The following CDK6 variants were observed in gnomAD, a reference collection of about 807,000 sequenced individuals.
The protein encoded by CDK6 is cyclin dependent kinase 6.
In CDK6, 6 loss-of-function variants were observed where a neutral mutation model predicts 37.1. That is an observed-to-expected ratio of 0.16 (90% CI 0.09 to 0.32). The LOEUF (loss-of-function observed/expected upper bound fraction) is 0.32. CDK6 is among the 10% of genes least tolerant of loss of function. The pLI, the probability that CDK6 is intolerant of heterozygous loss-of-function variation, is 1.00. For missense variants in CDK6, 224 were observed against 418.9 expected, an observed-to-expected ratio of 0.53 and a Z score of 4.06; for synonymous variants, 160 against 161.3, an observed-to-expected ratio of 0.99 and a Z score of 0.06.
At chr7:92,672,717 A>G (rs1234902484) in intron 4 of CDK6, among the ~76,000 whole-genome samples, 3 of 152,060 alleles carry the variant, frequency 2.0e-5, no homozygotes, top group African/African-American at 7.2e-5. Flanking sequence ...ATTACGTCAG[A>G]ATTTTATATT....
At chr7:92,669,534 G>C (rs1281849089) in intron 5 of CDK6, among the ~76,000 whole-genome samples, 3 of 152,132 alleles carry the variant, frequency 2.0e-5, no homozygotes. Flanking sequence ...ATTCCAATAA[G>C]CATTTCTGTA....
At chr7:92,636,034 TATA>T (rs1796162565) in intron 5 of CDK6, among the ~76,000 whole-genome samples, 1 of 152,178 alleles carries the variant, frequency 6.6e-6, no homozygotes, top group South Asian at 2.1e-4. Flanking sequence ...AAAAAAAAGT[TATA>T]AGAAATATTT....
At chr7:92,794,221 C>T (rs1381972774) in intron 2 of CDK6, among the ~76,000 whole-genome samples, 2 of 152,076 alleles carry the variant, frequency 1.3e-5, no homozygotes, top group Non-Finnish European at 2.9e-5. Context: ...AGACACAATG[C>T]TAATAATTTT....
intron 4 of CDK6, among the ~76,000 whole-genome samples, chr7:92,672,564 A>G (rs2116607325): frequency 6.8e-6 from 1 of 147,980 alleles, no homozygotes; most frequent in East Asian, 2.1e-4. Context: ...GGGCTGAAGA[A>G]AGCATATCAT....
intron 3 of CDK6, among the ~76,000 whole-genome samples, chr7:92,762,860 C>T (rs929639615): frequency 2.6e-5 from 4 of 152,110 alleles, no homozygotes; most frequent in African/African-American, 7.2e-5. Context: ...CGTGAGCCAC[C>T]GCGCCCGGCC....
At chr7:92,747,637 A>G (rs1052079303) in intron 3 of CDK6, among the ~76,000 whole-genome samples, 3 of 152,114 alleles carry the variant, frequency 2.0e-5, no homozygotes, top group African/African-American at 7.2e-5. Flanking sequence ...AAAAATTGCC[A>G]CTTTCTTTAG....
intron 5 of CDK6, among the ~76,000 whole-genome samples, chr7:92,670,754 T>C (rs112393000): frequency 2.6e-5 from 4 of 152,360 alleles, no homozygotes; most frequent in African/African-American, 9.6e-5. Flanking sequence ...AGGTCCAGCC[T>C]CTTCTTAGAC....
chr7:92,702,581 T>A (rs1797876862), intron 4 of CDK6, among the ~76,000 whole-genome samples: 1 of 152,146 alleles, frequency 6.6e-6, no homozygotes. Flanking sequence ...AACTAGGCAT[T>A]GATGAGAATA....
At chr7:92,686,982 T>C (rs1797471461) in intron 4 of CDK6, among the ~76,000 whole-genome samples, 2 of 152,256 alleles carry the variant, frequency 1.3e-5, no homozygotes, top group Non-Finnish European at 2.9e-5. Flanking sequence ...TGTGGTTTTT[T>C]TCTTGCTGAT....
intron 5 of CDK6, among the ~76,000 whole-genome samples, chr7:92,646,403 CT>C (rs112119366): frequency 0.028 from 3,994 of 144,032 alleles, 61 homozygotes; most frequent in Non-Finnish European, 0.044. Context: ...TTTTCTTTTT[CT>C]TTTTTTTTTT....
In CDK6 at chr7:92,605,200, AC is replaced by A. The variant is rs1795399026; in HGVS notation, c.*9939del. On this transcript the variant is annotated 3_prime_UTR_variant, in exon 8 of 8. Transcript: ENST00000424848. Reference sequence around the variant, plus strand: ...TATTTCAACACCAATTTTGAAAAAAACAATGAACTTCATCATCTGACAATAA... The same window carrying A: ...TATTTCAACACCAATTTTGAAAAAAAAATGAACTTCATCATCTGACAATAA... The A allele has an allele frequency of 8.6e-6, 2 of 233,416 alleles. No homozygotes were observed. The highest frequency in any genetic ancestry group is 1.7e-5 in the Non-Finnish European group (2 of 117,890). The allele number at this position is 233,416 out of a possible 1,614,324, so 14.5% of individuals were successfully genotyped here. A position where few individuals can be genotyped will look rare whatever the true frequency, so the allele number is the denominator to read the frequency against.
intron 2 of CDK6, among the ~76,000 whole-genome samples, chr7:92,811,035 A>T (rs1228595875): frequency 6.6e-6 from 1 of 152,030 alleles, no homozygotes; most frequent in Non-Finnish European, 1.5e-5. Context: ...CCGGTGACAG[A>T]ATGAGAACCC....
chr7:92,640,594 G>T (rs1469623337), intron 5 of CDK6, among the ~76,000 whole-genome samples: 5 of 152,166 alleles, frequency 3.3e-5, no homozygotes, highest in Non-Finnish European at 7.3e-5. Flanking sequence ...ACAGGGAAAA[G>T]AATTTGGATG....
intron 2 of CDK6, among the ~76,000 whole-genome samples, chr7:92,811,079 T>C (rs572568443): frequency 2.2e-4 from 34 of 152,040 alleles, no homozygotes; most frequent in African/African-American, 8.2e-4. Flanking sequence ...GGCAATTATA[T>C]AGGAGAAATA....
chr7:92,723,910 C>CAAA (rs576591781), intron 4 of CDK6, among the ~76,000 whole-genome samples: 66 of 83,748 alleles, frequency 7.9e-4, no homozygotes, highest in African/African-American at 1.9e-3. Flanking sequence ...ATTTAATAAG[C>CAAA]AAAAAAAAAA....
intron 4 of CDK6, among the ~76,000 whole-genome samples, chr7:92,714,776 A>G (rs1271901210): frequency 6.6e-6 from 1 of 151,988 alleles, no homozygotes; most frequent in Non-Finnish European, 1.5e-5. Flanking sequence ...GCTTTACTTT[A>G]TAAAAGTTTT....
intron 4 of CDK6, among the ~76,000 whole-genome samples, chr7:92,672,180 C>CAT (rs1797094048): frequency 1.0e-5 from 1 of 98,990 alleles, no homozygotes; most frequent in Non-Finnish European, 2.0e-5. Flanking sequence ...CACACACACA[C>CAT]ACAGACACAT....
At chr7:92,772,137 C>T (rs1156354514) in intron 3 of CDK6, among the ~76,000 whole-genome samples, 2 of 151,946 alleles carry the variant, frequency 1.3e-5, no homozygotes, top group Non-Finnish European at 2.9e-5. Context: ...ATCACAAACA[C>T]TCAAATTATT....
intron 2 of CDK6, among the ~76,000 whole-genome samples, chr7:92,786,590 C>A (rs1280622631): frequency 6.6e-6 from 1 of 150,518 alleles, no homozygotes; most frequent in Non-Finnish European, 1.5e-5. Flanking sequence ...CTGATAAAAA[C>A]CTTTCTGAAG....
Sources: gnomAD v4.1 joint callset for allele counts (sites outside exome capture counted in the v4.1 genomes callset) on GRCh38, gnomAD v4.1.1 for gene constraint, MANE v1.5 for transcripts, NCBI Gene and HGNC (gene_info 2026-07-23, HGNC 2026-07-21) for gene names.